The following KYAT1 variants were observed in gnomAD, a reference collection of about 807,000 sequenced individuals.
KYAT1 encodes the protein kynurenine aminotransferase 1.
In KYAT1, 47 loss-of-function variants were observed where a neutral mutation model predicts 52.4. The ratio of observed to expected loss-of-function variants is 0.90; its 90% CI spans 0.71 to 1.14. The LOEUF is 1.14. KYAT1 is among the 50% of genes most tolerant of loss of function. KYAT1 has a pLI of 0.00. For synonymous variants in KYAT1, 212 were observed against 209.6 expected, an observed-to-expected ratio of 1.01 and a Z score of -0.10; for missense variants, 480 against 557.9, an observed-to-expected ratio of 0.86 and a Z score of 1.41.
At chr9:128,876,362 C>T (rs986070102) in intron 1 of KYAT1, among the ~76,000 whole-genome samples, 1 of 150,808 alleles carries the variant, frequency 6.6e-6, no homozygotes, top group African/African-American at 2.4e-5. Flanking sequence ...CCTGGGATTA[C>T]AGCTTGGATT....
chr9:128,875,376 G>A (rs1303313746), intron 1 of KYAT1, among the ~76,000 whole-genome samples: 1 of 151,582 alleles, frequency 6.6e-6, no homozygotes, highest in Non-Finnish European at 1.5e-5. Flanking sequence ...CACTTTGGGA[G>A]GCCGAGGCAG....
At chr9:128,850,553 G>A (rs551386103) in intron 1 of KYAT1, among the ~76,000 whole-genome samples, 1 of 152,114 alleles carries the variant, frequency 6.6e-6, no homozygotes, top group Non-Finnish European at 1.5e-5. Flanking sequence ...AAAGCCACAG[G>A]GACCTCTGCC....
At chr9:128,871,763 A>G (rs1411673227) in intron 1 of KYAT1, among the ~76,000 whole-genome samples, 1 of 152,156 alleles carries the variant, frequency 6.6e-6, no homozygotes, top group Admixed American at 6.6e-5. Context: ...ATGCATACAT[A>G]TATATACATA....
At chr9:128,854,254 T>C (rs2119339383) in intron 1 of KYAT1, among the ~76,000 whole-genome samples, 1 of 152,304 alleles carries the variant, frequency 6.6e-6, no homozygotes, top group Middle Eastern at 3.4e-3. Flanking sequence ...ACTCCCCAGA[T>C]GCAACTTAAT....
chr9:128,862,595 G>A (rs991621758), intron 1 of KYAT1, among the ~76,000 whole-genome samples: 1 of 152,212 alleles, frequency 6.6e-6, no homozygotes, highest in Non-Finnish European at 1.5e-5. Context: ...CCTTCTCTGG[G>A]CACTGCCAGT....
intron 1 of KYAT1, among the ~76,000 whole-genome samples, chr9:128,854,581 A>G (rs1834361811): frequency 6.6e-6 from 1 of 152,206 alleles, no homozygotes; most frequent in African/African-American, 2.4e-5. Flanking sequence ...AAAAAAGCCT[A>G]AAGTACACAA....
At chr9:128,836,207 A>G (rs373514542) in intron 7 of KYAT1, 134 bp from the exon 8 acceptor site, 1 of 574,926 alleles carries the variant, frequency 1.7e-6, no homozygotes, top group African/African-American at 2.0e-5. Context: ...TATTTGCACA[A>G]TTTTTTTTCT....
At position 128,835,767 on chromosome 9, in the gene KYAT1, G is replaced by C; in HGVS notation, c.855+12C>G. 2 of 1,610,630 alleles carry C rather than the reference G, an allele frequency of 1.2e-6. No homozygotes were observed. Among genetic ancestry groups the C allele is most frequent in the South Asian group, 2.2e-5 (2 of 90,588 alleles). On this transcript the variant is annotated intron_variant, in intron 9 of 12. Transcript: ENST00000302586. The stretch of plus-strand genomic sequence containing the variant: ...TCCCCCCACTCCCCCGTGACGTCCT[G>C]CCCCTCTTCACCTGGCTCTGCGTGG...
At chr9:128,853,324 C>G (rs1425676768) in intron 1 of KYAT1, among the ~76,000 whole-genome samples, 1 of 152,180 alleles carries the variant, frequency 6.6e-6, no homozygotes, top group Non-Finnish European at 1.5e-5. Context: ...TTAGAAAATG[C>G]TCTGATGGCG....
chr9:128,869,302 C>T (rs548263645), intron 1 of KYAT1, among the ~76,000 whole-genome samples: 1 of 152,146 alleles, frequency 6.6e-6, no homozygotes, highest in Admixed American at 6.5e-5. Flanking sequence ...GCTGGGACTA[C>T]AGGCGCGAGC....
chr9:128,833,752 GA>G lies in KYAT1; in HGVS notation c.1196del (p.Phe399SerfsTer4), dbSNP rs1234581667. 5 of 1,614,092 alleles carry G rather than the reference GA, an allele frequency of 3.1e-6. No individual in the cohort carries two copies. The highest frequency in any genetic ancestry group is 1.6e-4 in the Middle Eastern group (1 of 6,084). On this transcript the variant is annotated frameshift_variant, in exon 12 of 13. Transcript: ENST00000302586. LOFTEE classifies it high-confidence loss of function. ...CCCTGCCCTTTACCTTCACAAAACA[GA>G]AGCGGATATAGTGGTCAAAGTGCTT... ...HQKHFDHYIR[F>X]CFVKDEATLQ...
At chr9:128,842,340 C>G (rs1273198266) in intron 3 of KYAT1, among the ~76,000 whole-genome samples, 1 of 152,216 alleles carries the variant, frequency 6.6e-6, no homozygotes, top group African/African-American at 2.4e-5. Context: ...GTCACCTCCT[C>G]CAGGAAGTCT....
chr9:128,873,007 CAA>C (rs1177517057), intron 1 of KYAT1, among the ~76,000 whole-genome samples: 1 of 140,032 alleles, frequency 7.1e-6, no homozygotes, highest in Non-Finnish European at 1.5e-5. Context: ...ACCCGGGAGG[CAA>C]AGATTCTAGT....
intron 1 of KYAT1, among the ~76,000 whole-genome samples, chr9:128,879,476 T>A (rs1838506356): frequency 6.6e-6 from 1 of 152,144 alleles, no homozygotes; most frequent in South Asian, 2.1e-4. Context: ...GCCCTACTCT[T>A]TGGAGCTTGG....
chr9:128,865,456 G>A (rs1180070832), intron 1 of KYAT1, among the ~76,000 whole-genome samples: 11 of 143,278 alleles, frequency 7.7e-5, no homozygotes, highest in East Asian at 2.1e-4. Context: ...TCTGCCTCCC[G>A]GGTTCAAGCG....
rs772231464 is a variant in KYAT1 at position 128,837,684 on chromosome 9, C to G, written c.567+1G>C. ...GCCAGGGAAGGAGGTCCCTCCAGTACCTTGCCCAGGGGGTTGTTGGGGGTG... is the reference window on the plus strand; with the variant it reads ...GCCAGGGAAGGAGGTCCCTCCAGTAGCTTGCCCAGGGGGTTGTTGGGGGTG... On this transcript the variant is annotated splice_donor_variant, in intron 6 of 12. Transcript: ENST00000302586. LOFTEE classifies it high-confidence loss of function. The G allele has an allele frequency of 1.2e-5, 19 of 1,614,000 alleles. No homozygotes were observed. Among genetic ancestry groups the G allele is most frequent in the Non-Finnish European group, 1.4e-5 (17 of 1,180,020 alleles).
chr9:128,847,396 C>T, intron 1 of KYAT1: 2 of 1,389,702 alleles, frequency 1.4e-6, no homozygotes, highest in South Asian at 2.5e-5. Context: ...AGCCCCAGGC[C>T]ATGCAGGTGG....
upstream of KYAT1, chr9:128,882,394 G>T (rs1839088381): frequency 3.8e-6 from 1 of 261,568 alleles, no homozygotes; most frequent in Non-Finnish European, 7.2e-6. Flanking sequence ...ACCTCCCGCG[G>T]TGTTCGGCCT....
chr9:128,835,577 A>G lies in KYAT1; in HGVS notation c.946T>C (p.Cys316Arg). Residue 316 changes from cysteine to arginine, a missense_variant, in exon 10 of 13, where the codon TGC becomes CGC. Transcript: ENST00000302586. ...FVQFPQAMQR[C>R]RDHMIRSLQS... is the part of the protein sequence containing the mutation. ...AGGCTACGTATCATGTGGTCACGGC[A>G]GCGCTGCATGGCCTGCGGGAACTGC... 6.2e-7 allele frequency: 1 copy of G among 1,613,480 alleles called. No homozygotes were observed. Among genetic ancestry groups the G allele is most frequent in the Non-Finnish European group, 8.5e-7 (1 of 1,180,036 alleles).
Sources: allele counts gnomAD v4.1 joint callset (sites outside exome capture counted in the v4.1 genomes callset), GRCh38; gene constraint gnomAD v4.1.1; transcripts MANE v1.5; gene names NCBI Gene and HGNC (gene_info 2026-07-23, HGNC 2026-07-21).